INTS6L: variants seen among roughly 807,000 people sequenced by gnomAD.
INTS6L encodes integrator complex subunit 6 like, also known as integrator complex subunit 6-like.
In INTS6L, 18 loss-of-function variants were observed where a neutral mutation model predicts 64.7. The observed-to-expected ratio is 0.28, with a 90% CI of 0.19 to 0.41. The LOEUF is 0.41. INTS6L is among the 10% of genes least tolerant of loss of function. INTS6L has a pLI of 1.00. For synonymous variants in INTS6L, 227 were observed against 235.9 expected, an observed-to-expected ratio of 0.96 and a Z score of 0.34; for missense variants, 533 against 661.0, an observed-to-expected ratio of 0.81 and a Z score of 2.12.
chrX:135,523,242 CA>C (rs782680777), intron 2 of INTS6L, among the ~76,000 whole-genome samples: 376 of 104,512 alleles, frequency 3.6e-3, no homozygotes, highest in Non-Finnish European at 5.7e-3. Context: ...AAAAACAAAA[CA>C]AAAAAAAAAA....
At chrX:135,578,653 C>G (rs782574951) in intron 15 of INTS6L, among the ~76,000 whole-genome samples, 13 of 111,116 alleles carry the variant, frequency 1.2e-4, no homozygotes, top group Non-Finnish European at 2.1e-4. Flanking sequence ...TGATTTTTCT[C>G]TTATTCTTCC....
intron 15 of INTS6L, among the ~76,000 whole-genome samples, chrX:135,579,566 T>C (rs1201358462): frequency 8.9e-6 from 1 of 112,315 alleles, no homozygotes; most frequent in Non-Finnish European, 1.9e-5. Context: ...AGAGTTGTAC[T>C]GTCTTACTTG....
chrX:135,579,979 G>A lies in INTS6L; in HGVS notation c.2311G>A (p.Gly771Ser). Residue 771 changes from glycine (G) to serine (S), a missense_variant, in exon 16 of 18, where the codon GGT (glycine) becomes AGT (serine). Gly to Ser is a moderately conservative substitution (Grantham distance 56). Transcript: ENST00000639893. ...LSKDGLIQKP[G>S]SNAFVGGAKN... Reference sequence around the variant, plus strand: ...CAAAGATGGGCTGATTCAAAAACCTGGTAGTAACGCATTTGTAGGAGGAGC... The same window carrying A: ...CAAAGATGGGCTGATTCAAAAACCTAGTAGTAACGCATTTGTAGGAGGAGC... The A allele has an allele frequency of 8.3e-7, 1 of 1,211,601 alleles. No individual in the cohort carries two copies. Among genetic ancestry groups the A allele is most frequent in the Non-Finnish European group, 1.1e-6 (1 of 895,408 alleles).
chrX:135,520,847 T>TCCGTC lies in INTS6L; in HGVS notation c.-130_-126dup, dbSNP rs1269512796. The TCCGTC allele has an allele frequency of 1.1e-5, 6 of 569,476 alleles. No individual in the cohort carries two copies. Among genetic ancestry groups the TCCGTC allele is most frequent in the Middle Eastern group, 5.5e-4 (1 of 1,818 alleles). The allele number at this position is 569,476 out of a possible 1,213,427, so 46.9% of individuals were successfully genotyped here. A position where few individuals can be genotyped will look rare whatever the true frequency, so the allele number is the denominator to read the frequency against. ...AAAGAGGAGGCCAGGAGCGGTCCCA[T>TCCGTC]CCGTCCCGTCCCGTCCCGTCTCCCC... On this transcript the variant is annotated 5_prime_UTR_variant, in exon 1 of 18. Coordinates refer to ENST00000639893, the MANE Select transcript of INTS6L (RefSeq NM_001351601.3).
chrX:135,575,216 A>G lies in INTS6L; in HGVS notation c.1874A>G (p.Gln625Arg). 3.3e-6 allele frequency: 4 copies of G among 1,209,118 alleles called. No individual in the cohort carries two copies. Among genetic ancestry groups the G allele is most frequent in the Non-Finnish European group, 1.1e-6 (1 of 894,658 alleles). The change falls in exon 14 of 18, where the codon CAA becomes CGA. Residue 625 changes from glutamine to arginine, a missense_variant. Gln to Arg is a conservative substitution (Grantham distance 43). Coordinates refer to ENST00000639893, the MANE Select transcript of INTS6L (RefSeq NM_001351601.3). ...RLHTFGNPFK[Q>R]DKKGMMIDEA... Reference sequence around the variant, plus strand: ...CATACTTTTGGCAATCCGTTTAAACAAGATAAGAAGGTAGGATACCTATGC... The same window carrying G: ...CATACTTTTGGCAATCCGTTTAAACGAGATAAGAAGGTAGGATACCTATGC...
At chrX:135,573,889 A>G (rs2087153993) in intron 12 of INTS6L, 50 bp from the exon 13 acceptor site, 3 of 1,126,297 alleles carry the variant, frequency 2.7e-6, no homozygotes, top group East Asian at 6.1e-5. Context: ...TGACATTTCT[A>G]TATTAAAAGC....
rs2087378638 is a variant in INTS6L, at chrX:135,581,856, A to G, written c.*220A>G. The G allele has an allele frequency of 6.1e-6, 2 of 329,323 alleles. No individual in the cohort carries two copies. The highest frequency in any genetic ancestry group is 6.0e-5 in the East Asian group (1 of 16,665). 27.1% of individuals were successfully genotyped at this position (329,323 alleles called of 1,213,427 possible). ...GAATTGTTTTGTTTTGTTTTCCTCA[A>G]TTGAGGAAGCTGATGTTATTAATTC... On this transcript the variant is annotated 3_prime_UTR_variant, in exon 18 of 18. Coordinates refer to ENST00000639893, the MANE Select transcript of INTS6L (RefSeq NM_001351601.3).
At chrX:135,560,998 G>C (rs1390774111) in intron 9 of INTS6L, among the ~76,000 whole-genome samples, 3 of 94,308 alleles carry the variant, frequency 3.2e-5, no homozygotes, top group Non-Finnish European at 4.2e-5. Context: ...TGTTGCCCAG[G>C]CTGGAGTGCA....
intron 2 of INTS6L, 30 bp from the exon 3 acceptor site, chrX:135,545,393 A>G: frequency 1.0e-5 from 12 of 1,203,664 alleles, no homozygotes; most frequent in Non-Finnish European, 1.3e-5. Context: ...TGTATAATCA[A>G]GAAATTCTTT....
At chrX:135,556,775 G>A (rs1556519445) in intron 9 of INTS6L, among the ~76,000 whole-genome samples, 2 of 111,619 alleles carry the variant, frequency 1.8e-5, no homozygotes, top group Non-Finnish European at 1.9e-5. Context: ...CCATAGCAAG[G>A]TTCTAAAAGG....
rs782015330 is a variant in INTS6L at position 135,545,447 on chromosome X, A to G, written c.214A>G (p.Thr72Ala). 13 of 1,207,246 alleles carry G rather than the reference A, an allele frequency of 1.1e-5. No individual in the cohort carries two copies. In the Admixed American group the frequency reaches 2.9e-4, roughly 27 times the overall value. ...IKAGWKENHA[T>A]FMSELKNLQA... ...GGCTGGTTGGAAGGAAAATCATGCA[A>G]CATTCATGAGCGAACTAAAAAATCT... The change falls in exon 3 of 18, where the codon ACA (threonine) becomes GCA (alanine). Residue 72 changes from threonine to alanine, a missense_variant. Coordinates refer to ENST00000639893, the MANE Select transcript of INTS6L (RefSeq NM_001351601.3).
chrX:135,556,007 G>T (rs2086639737), intron 8 of INTS6L, among the ~76,000 whole-genome samples, 161 bp from the exon 9 acceptor site: 1 of 112,109 alleles, frequency 8.9e-6, no homozygotes, highest in South Asian at 3.7e-4. Context: ...GCCTGGCCTA[G>T]TATAATATAT....
chrX:135,560,475 C>A (rs2086759553), intron 9 of INTS6L, among the ~76,000 whole-genome samples: 1 of 112,120 alleles, frequency 8.9e-6, no homozygotes, highest in Non-Finnish European at 1.9e-5. Context: ...ATGTATGTTC[C>A]ATCGGTGCTT....
intron 6 of INTS6L, among the ~76,000 whole-genome samples, chrX:135,549,137 A>C (rs2086435146): frequency 8.9e-6 from 1 of 112,057 alleles, no homozygotes; most frequent in Non-Finnish European, 1.9e-5. Flanking sequence ...CTTTGTGGTC[A>C]TTGGGTCTAA....
chrX:135,547,837 G>A (rs1449785549), intron 6 of INTS6L, among the ~76,000 whole-genome samples: 1 of 111,305 alleles, frequency 9.0e-6, no homozygotes, highest in Non-Finnish European at 1.9e-5. Flanking sequence ...TGAAAGTAGG[G>A]TGACTTTTGC....
In INTS6L at chrX:135,547,134, T is replaced by C; in HGVS notation, c.614-3T>C. 1 of 1,207,177 alleles carries C rather than the reference T, an allele frequency of 8.3e-7. No individual in the cohort carries two copies. ...GTGCTATTTATTTTTCCTTCTGGGA[T>C]AGGTCGCTCCTACTGTGTGAGAACA... On this transcript the variant is annotated splice_region_variant and splice_polypyrimidine_tract_variant and intron_variant, in intron 5 of 17. Coordinates refer to ENST00000639893, the MANE Select transcript of INTS6L (RefSeq NM_001351601.3).
chrX:135,523,236 AC>A (rs2085637199), intron 2 of INTS6L, among the ~76,000 whole-genome samples: 1 of 108,601 alleles, frequency 9.2e-6, no homozygotes, highest in Non-Finnish European at 1.9e-5. Context: ...ATACAAAAAA[AC>A]AAAACAAAAA....
At chrX:135,567,931 C>T (rs1276590277) in intron 9 of INTS6L, among the ~76,000 whole-genome samples, 1 of 111,341 alleles carries the variant, frequency 9.0e-6, no homozygotes, top group Admixed American at 9.5e-5. Flanking sequence ...TAAAGTAATT[C>T]AGATTTTCAA....
In INTS6L at chrX:135,554,194, G is replaced by A. The variant is rs782346275; in HGVS notation, c.1060-1974G>A. Among the ~76,000 whole-genome samples the A allele has an allele frequency of 1.6e-3, 173 of 111,585 alleles. 1 individual carries two copies. Among genetic ancestry groups the A allele is most frequent in the African/African-American group, 5.4e-3 (167 of 30,710 alleles). ...TGAATCTGTGGCTGATAAGGAATTT[G>A]GAAAAACTCAAGGGGCCAAGGAAGG... On this transcript the variant is annotated intron_variant, in intron 8 of 17. Transcript: ENST00000639893.
Sources: gnomAD v4.1 joint callset for allele counts (sites outside exome capture counted in the v4.1 genomes callset) on GRCh38, gnomAD v4.1.1 for gene constraint, MANE v1.5 for transcripts, NCBI Gene and HGNC (gene_info 2026-07-23, HGNC 2026-07-21) for gene names.